Variants in ZNF266 observed in about 807,000 individuals in gnomAD.
ZNF266 encodes the protein zinc finger protein 266.
ZNF266 carries 16 observed loss-of-function variants against 16.4 expected under a neutral mutation model. That is an observed-to-expected ratio of 0.98 (90% CI 0.66 to 1.48). The LOEUF (loss-of-function observed/expected upper bound fraction) is 1.48. ZNF266 is among the 40% of genes most tolerant of loss of function. The pLI, the probability that ZNF266 is intolerant of heterozygous loss-of-function variation, is 0.00. For missense variants in ZNF266, 738 were observed against 689.1 expected, an observed-to-expected ratio of 1.07 and a Z score of -0.79; for synonymous variants, 262 against 237.9, an observed-to-expected ratio of 1.10 and a Z score of -0.93.
At chr19:9,416,396 T>G (rs1239493874) in intron 9 of ZNF266, among the ~76,000 whole-genome samples, 2 of 143,340 alleles carry the variant, frequency 1.4e-5, no homozygotes, top group Non-Finnish European at 3.1e-5. Context: ...AGACTTTCAC[T>G]CTTGTCACTC....
intron 7 of ZNF266, 85 bp downstream of exon 7, chr19:9,419,132 C>G (rs953936142): frequency 3.2e-5 from 5 of 155,624 alleles, no homozygotes; most frequent in Non-Finnish European, 7.2e-5. Context: ...TTAAGAAGCT[C>G]TGAAGATAAT....
intron 5 of ZNF266, among the ~76,000 whole-genome samples, chr19:9,421,456 A>G (rs915270932): frequency 1.3e-5 from 2 of 152,214 alleles, no homozygotes; most frequent in African/African-American, 4.8e-5. Flanking sequence ...CAGTGGATGA[A>G]TTTTGACAAT....
At chr19:9,415,835 T>C in intron 9 of ZNF266, 93 bp from the exon 10 acceptor site, 6 of 1,130,986 alleles carry the variant, frequency 5.3e-6, no homozygotes. Context: ...TGTTTTCTTT[T>C]TTTCTTGAGA....
At chr19:9,430,022 G>A (rs1310621191) in intron 5 of ZNF266, among the ~76,000 whole-genome samples, 1 of 38,040 alleles carries the variant, frequency 2.6e-5, no homozygotes, top group Non-Finnish European at 4.9e-5. Flanking sequence ...CCACCCAGTA[G>A]CCTAAGAGAG....
chr19:9,429,700 A>T (rs558028026), intron 5 of ZNF266, among the ~76,000 whole-genome samples: 5 of 152,180 alleles, frequency 3.3e-5, no homozygotes, highest in African/African-American at 1.2e-4. Flanking sequence ...TTTCTTTCTG[A>T]ACTGTCTGCT....
At chr19:9,424,220 C>CAAAAAAAAAAAAA (rs55740067) in intron 5 of ZNF266, among the ~76,000 whole-genome samples, 3 of 121,630 alleles carry the variant, frequency 2.5e-5, no homozygotes, top group Non-Finnish European at 3.5e-5. Flanking sequence ...AACCAAGAGG[C>CAAAAAAAAAAAAA]AAAAAAAAAA....
intron 5 of ZNF266, among the ~76,000 whole-genome samples, chr19:9,425,641 G>A (rs1461766371): frequency 1.3e-5 from 2 of 152,224 alleles, no homozygotes; most frequent in African/African-American, 4.8e-5. Context: ...TCCACAGCCT[G>A]CTGGGGTACC....
At chr19:9,420,929 G>T (rs191226441) in intron 5 of ZNF266, among the ~76,000 whole-genome samples, 12 of 152,216 alleles carry the variant, frequency 7.9e-5, no homozygotes, top group African/African-American at 2.6e-4. Flanking sequence ...ACCAGCGTTA[G>T]TCTAAACCTG....
intron 5 of ZNF266, among the ~76,000 whole-genome samples, chr19:9,428,773 A>G (rs1174529453): frequency 6.6e-6 from 1 of 152,176 alleles, no homozygotes; most frequent in Non-Finnish European, 1.5e-5. Flanking sequence ...CAAAATATAA[A>G]GCAAAATCCC....
At chr19:9,422,238 T>C (rs970725436) in intron 5 of ZNF266, among the ~76,000 whole-genome samples, 1 of 152,192 alleles carries the variant, frequency 6.6e-6, no homozygotes, top group African/African-American at 2.4e-5. Flanking sequence ...AACTTGCTTT[T>C]CTTTGTGGAG....
At position 9,413,396 on chromosome 19, in the gene ZNF266, T is replaced by C. The variant is rs765088893; in HGVS notation, c.1730A>G (p.His577Arg). 3.8e-5 allele frequency: 61 copies of C among 1,614,236 alleles called. No homozygotes were observed. The South Asian group carries it at 5.9e-4, about 16-fold the overall frequency. The change falls in exon 11 of 11, where the codon CAT becomes CGT. Residue 577 changes from histidine (H) to arginine (R), a missense_variant. By Grantham distance (29) the His-to-Arg change is conservative. Coordinates refer to ENST00000592904, the MANE Select transcript of ZNF266 (RefSeq NM_001370374.1). ...TTTCTCTCCAGTGTGAGTTCGTTCA[T>C]GTAACTGAAACGAATTGGAGTAACT... ...SFSYSNSFQL[H>R]ERTHTGEKPY...
Position 9,413,827 on chromosome 19 carries a change from GTCTGAGT to G in ZNF266, c.1292_1298del (p.Asn431ThrfsTer62). On this transcript the variant is annotated frameshift_variant, in exon 11 of 11. Coordinates refer to ENST00000592904, the MANE Select transcript of ZNF266 (RefSeq NM_001370374.1). LOFTEE classifies it low-confidence loss of function (END_TRUNC). ...TGTGAGTTCGTGCATGCTTAGTAAG[GTCTGAGT>G]TCTGAGTGAAGGCTTTCCCACAATC... 6.2e-7 allele frequency: 1 copy of G among 1,614,032 alleles called. No homozygotes were observed. Among genetic ancestry groups the G allele is most frequent in the Non-Finnish European group, 8.5e-7 (1 of 1,179,980 alleles).
chr19:9,421,420 A>T (rs981689421), intron 5 of ZNF266, among the ~76,000 whole-genome samples: 15 of 152,240 alleles, frequency 9.9e-5, no homozygotes, highest in African/African-American at 3.6e-4. Context: ...ATTAATGTAC[A>T]ATTAAAAGTA....
chr19:9,415,859 T>C (rs2068899607), intron 9 of ZNF266, 117 bp from the exon 10 acceptor site: 2 of 787,924 alleles, frequency 2.5e-6, no homozygotes, highest in Non-Finnish European at 4.0e-6. Context: ...TGTCTCACTC[T>C]GTTGCCCAGG....
At chr19:9,426,007 G>A (rs118156599) in intron 5 of ZNF266, among the ~76,000 whole-genome samples, 5 of 152,226 alleles carry the variant, frequency 3.3e-5, no homozygotes, top group South Asian at 2.1e-4. Flanking sequence ...CAGTACAGAC[G>A]AGGCCACCAG....
In ZNF266 at chr19:9,417,500, G is replaced by A. The variant is rs143650483; in HGVS notation, c.316+328C>T. The stretch of plus-strand genomic sequence containing the variant: ...TCCCAGCACTTTGGGAGGCCGAGGT[G>A]GGCAGATCATGAGATCAGGAGTTTG... On this transcript the variant is annotated intron_variant, in intron 9 of 10. Coordinates refer to ENST00000592904, the MANE Select transcript of ZNF266 (RefSeq NM_001370374.1). Among the ~76,000 whole-genome samples the A allele has an allele frequency of 7.1e-3, 1,080 of 152,330 alleles. 11 individuals are homozygous for A. Among genetic ancestry groups the A allele is most frequent in the African/African-American group, 0.024 (1,002 of 41,580 alleles).
intron 5 of ZNF266, among the ~76,000 whole-genome samples, chr19:9,421,865 CT>C (rs1555754190): frequency 6.9e-6 from 1 of 144,126 alleles, no homozygotes; most frequent in South Asian, 2.2e-4. Flanking sequence ...TTTTTTTTTT[CT>C]TTTGAGACGG....
Position 9,414,628 on chromosome 19 carries a change from A to T in ZNF266, c.498T>A (p.Thr166=), listed in dbSNP as rs2068709025. The change falls in exon 11 of 11, where the codon ACT becomes ACA. Residue 166 remains threonine (T), a synonymous_variant. Transcript: ENST00000592904. ...EHSCLKTHVR[T]QNSENTFECY... is the part of the protein sequence containing the mutation. ...ACTCAAATGTGTTCTCACTATTTTGAGTTCTCACATGTGTCTTAAGGCATG... is the reference window on the plus strand; with the variant it reads ...ACTCAAATGTGTTCTCACTATTTTGTGTTCTCACATGTGTCTTAAGGCATG... 1 of 1,609,992 alleles carries T rather than the reference A, an allele frequency of 6.2e-7. No homozygotes were observed. The highest frequency in any genetic ancestry group is 8.5e-7 in the Non-Finnish European group (1 of 1,176,434).
chr19:9,429,605 A>G (rs575860995), intron 5 of ZNF266, among the ~76,000 whole-genome samples: 1 of 152,108 alleles, frequency 6.6e-6, no homozygotes, highest in Non-Finnish European at 1.5e-5. Flanking sequence ...GATGGTGGAG[A>G]TGACTCCACC....
Sources: gnomAD v4.1 joint callset for allele counts (sites outside exome capture counted in the v4.1 genomes callset) on GRCh38, gnomAD v4.1.1 for gene constraint, MANE v1.5 for transcripts, NCBI Gene and HGNC (gene_info 2026-07-23, HGNC 2026-07-21) for gene names.